The following AGBL1 variants were observed in gnomAD, a reference collection of about 807,000 sequenced individuals.
AGBL1 encodes the protein cytosolic carboxypeptidase 4.
Under a neutral mutation model 118.9 loss-of-function variants are expected in AGBL1, and 130 were observed. The ratio of observed to expected loss-of-function variants is 1.09; its 90% CI spans 0.95 to 1.26. The LOEUF is 1.26. Among genes scored for constraint, AGBL1 ranks in the 50% most tolerant of loss-of-function variants. AGBL1 has a pLI of 0.00. For synonymous variants in AGBL1, 555 were observed against 478.9 expected (o/e 1.16, Z -2.08); for missense variants, 1,584 against 1,298.1 (o/e 1.22, Z -3.38).
chr15:86,529,388 C>G (rs1440420931), intron 19 of AGBL1, among the ~76,000 whole-genome samples: 1 of 133,064 alleles, frequency 7.5e-6, no homozygotes, highest in Non-Finnish European at 1.5e-5. Context: ...TGAAATGAAG[C>G]GAGAAGGGAA....
intron 23 of AGBL1, among the ~76,000 whole-genome samples, chr15:86,965,126 T>C (rs2081036201): frequency 6.6e-6 from 1 of 152,172 alleles, no homozygotes; most frequent in Non-Finnish European, 1.5e-5. Context: ...GAATGACTTA[T>C]AATCCTTTGG....
At chr15:86,595,168 A>G (rs1054451452) in intron 21 of AGBL1, among the ~76,000 whole-genome samples, 5 of 152,158 alleles carry the variant, frequency 3.3e-5, no homozygotes, top group Admixed American at 6.5e-5. Flanking sequence ...TCCTCTCTCT[A>G]TAACCTTAAT....
At chr15:86,953,031 T>C (rs1249313724) in intron 23 of AGBL1, among the ~76,000 whole-genome samples, 1 of 152,204 alleles carries the variant, frequency 6.6e-6, no homozygotes, top group Non-Finnish European at 1.5e-5. Flanking sequence ...CATTGGTCTA[T>C]GTGCCTGTTT....
At chr15:86,657,684 A>C (rs2447280) in intron 21 of AGBL1, among the ~76,000 whole-genome samples, 135,343 of 152,188 alleles carry the variant, frequency 0.89, 60,362 homozygotes, top group East Asian at 1. Flanking sequence ...ATCACAGTAT[A>C]ATTTATGTCT....
rs185736907 is a variant in AGBL1, at chr15:86,908,423, C to A, written c.*1129C>A. On this transcript the variant is annotated 3_prime_UTR_variant, in exon 23 of 23. Transcript: ENST00000614907. ...ACTTGGGAGGCTGAGAAAGGAGAAT[C>A]GCTTGAACTTGGGAGGTGGAGGTTG... The A allele has an allele frequency of 6.6e-6, 1 of 152,258 alleles. No individual in the cohort carries two copies. Among genetic ancestry groups the A allele is most frequent in the Admixed American group, 6.5e-5 (1 of 15,276 alleles). 9.4% of individuals were successfully genotyped at this position (152,258 alleles called of 1,614,324 possible). A position where few individuals can be genotyped will look rare whatever the true frequency, so the allele number is the denominator to read the frequency against.
chr15:86,289,716 C>T (rs1369865856), intron 16 of AGBL1, among the ~76,000 whole-genome samples: 2 of 152,168 alleles, frequency 1.3e-5, no homozygotes, highest in African/African-American at 4.8e-5. Context: ...ATCCCATCTC[C>T]TCCTTTGGCT....
chr15:86,978,581 A>G (rs1025967228), intron 23 of AGBL1, among the ~76,000 whole-genome samples: 7 of 152,164 alleles, frequency 4.6e-5, no homozygotes, highest in African/African-American at 1.7e-4. Flanking sequence ...TGTAGGACCA[A>G]AATATAAACC....
intron 6 of AGBL1, among the ~76,000 whole-genome samples, chr15:86,233,495 C>G (rs185097726): frequency 6.6e-6 from 1 of 152,080 alleles, no homozygotes; most frequent in African/African-American, 2.4e-5. Context: ...TCCTTTGCCC[C>G]TCCCTTTCCT....
rs114021129 is a variant in AGBL1 at position 86,822,013 on chromosome 15, C to A, written c.3159-85074C>A. Among the ~76,000 whole-genome samples, 233 of 152,266 alleles carry A rather than the reference C, an allele frequency of 1.5e-3. 1 individual carries two copies. The highest frequency in any genetic ancestry group is 5.1e-3 in the African/African-American group (214 of 41,568). On this transcript the variant is annotated intron_variant, in intron 22 of 22. Coordinates refer to ENST00000614907, the MANE Select transcript of AGBL1 (RefSeq NM_001386094.1). Reference sequence around the variant, plus strand: ...CTGACACTTCCTGAGAGATACAGTGCCACAGTACCTGTTCAGTGTCCATGT... The same window carrying A: ...CTGACACTTCCTGAGAGATACAGTGACACAGTACCTGTTCAGTGTCCATGT...
At chr15:86,663,243 A>G (rs1224609468) in intron 21 of AGBL1, among the ~76,000 whole-genome samples, 1 of 152,198 alleles carries the variant, frequency 6.6e-6, no homozygotes, top group South Asian at 2.1e-4. Context: ...GTTAAAGCCA[A>G]ACAAAACGGA....
intron 20 of AGBL1, among the ~76,000 whole-genome samples, chr15:86,550,891 A>T (rs2083655311): frequency 6.6e-6 from 1 of 151,994 alleles, no homozygotes. Context: ...ATATTCACCT[A>T]CTCAAGAGAA....
chr15:86,361,490 T>C (rs2080804349), intron 17 of AGBL1, among the ~76,000 whole-genome samples: 7 of 152,116 alleles, frequency 4.6e-5, no homozygotes, highest in Admixed American at 3.9e-4. Flanking sequence ...TCAGTTCTGC[T>C]TTTTCCTTAC....
chr15:86,991,861 C>T (rs1487781722), intron 24 of AGBL1, among the ~76,000 whole-genome samples: 2 of 152,128 alleles, frequency 1.3e-5, no homozygotes, highest in Non-Finnish European at 1.5e-5. Context: ...TCAAGCATTT[C>T]CTGAAACAAT....
intron 22 of AGBL1, among the ~76,000 whole-genome samples, chr15:86,758,991 AAAAAG>A (rs1206391343): frequency 2.0e-5 from 3 of 151,624 alleles, no homozygotes; most frequent in Non-Finnish European, 1.5e-5. Context: ...AAAAGAAAAA[AAAAAG>A]AAAAGAATTT....
intron 18 of AGBL1, among the ~76,000 whole-genome samples, chr15:86,491,305 G>A (rs892045598): frequency 3.9e-5 from 6 of 152,220 alleles, no homozygotes; most frequent in Admixed American, 1.3e-4. Context: ...GTCCCAAAAT[G>A]TTTGGCAGTA....
chr15:86,822,960 C>G (rs558142487), intron 22 of AGBL1, among the ~76,000 whole-genome samples: 9 of 152,166 alleles, frequency 5.9e-5, no homozygotes, highest in African/African-American at 2.2e-4. Flanking sequence ...AGAGGCGTTC[C>G]TAATATTGGG....
At chr15:86,741,237 T>C (rs1046008902) in intron 22 of AGBL1, among the ~76,000 whole-genome samples, 11 of 151,460 alleles carry the variant, frequency 7.3e-5, no homozygotes, top group Admixed American at 6.6e-5. Context: ...CTGTTTATAT[T>C]AGCAGGAAAA....
At chr15:86,749,280 T>C (rs562468455) in intron 22 of AGBL1, among the ~76,000 whole-genome samples, 5 of 152,304 alleles carry the variant, frequency 3.3e-5, no homozygotes, top group Non-Finnish European at 5.9e-5. Flanking sequence ...CAGTTGTGAA[T>C]GGGAGGTCAC....
At chr15:86,285,129 C>G (rs2079420892) in intron 16 of AGBL1, among the ~76,000 whole-genome samples, 1 of 152,086 alleles carries the variant, frequency 6.6e-6, no homozygotes, top group South Asian at 2.1e-4. Context: ...GAGAACAGGA[C>G]AAAACCATTT....
Sources: gnomAD v4.1 joint callset for allele counts (sites outside exome capture counted in the v4.1 genomes callset) on GRCh38, gnomAD v4.1.1 for gene constraint, MANE v1.5 for transcripts, NCBI Gene and HGNC (gene_info 2026-07-23, HGNC 2026-07-21) for gene names.